LRRC37A2: variants seen among roughly 807,000 people sequenced by gnomAD.
LRRC37A2 encodes leucine rich repeat containing 37 member A2.
In LRRC37A2, 9 loss-of-function variants were observed where a neutral mutation model predicts 68.8. The ratio of observed to expected loss-of-function variants is 0.13; its 90% CI spans 0.08 to 0.23. The LOEUF is 0.23. Ranked by LOEUF, LRRC37A2 falls within the 10% of genes least tolerant of loss-of-function variation. The probability of loss-of-function intolerance (pLI) is 1.00; values close to 1 mark genes in which losing one functional copy is unlikely to be tolerated. For missense variants in LRRC37A2, 168 were observed against 950.4 expected (o/e 0.18, Z 10.82); for synonymous variants, 63 against 367.6 (o/e 0.17, Z 9.48).
the LRRC37A2 span, chr17:46,942,011 T>A: frequency 1.1e-6 from 1 of 948,854 alleles, no homozygotes; most frequent in Non-Finnish European, 1.3e-6. Flanking sequence ...TTCTTACTGT[T>A]TATATCCTAC....
At chr17:46,753,521 G>C in the LRRC37A2 span, among the ~76,000 whole-genome samples, 1 of 151,844 alleles carries the variant, frequency 6.6e-6, no homozygotes, top group Non-Finnish European at 1.5e-5. Context: ...CTTGGTAAAA[G>C]TGCAAATACA....
At chr17:46,896,412 AAG>A in the LRRC37A2 span, among the ~76,000 whole-genome samples, 10 of 82,232 alleles carry the variant, frequency 1.2e-4, no homozygotes, top group South Asian at 4.3e-4. Context: ...GAAAGAAAGA[AAG>A]AAAGAAAGAA....
chr17:46,786,193 G>A, the LRRC37A2 span, among the ~76,000 whole-genome samples: 1 of 152,150 alleles, frequency 6.6e-6, no homozygotes, highest in South Asian at 2.1e-4. Flanking sequence ...TGGGACCTGG[G>A]GAGGAGGAAA....
chr17:46,926,390 G>C, the LRRC37A2 span, among the ~76,000 whole-genome samples: 1 of 152,108 alleles, frequency 6.6e-6, no homozygotes, highest in Non-Finnish European at 1.5e-5. Context: ...GCGGTGAGTA[G>C]TTTCATGAAC....
the LRRC37A2 span, among the ~76,000 whole-genome samples, chr17:47,000,230 T>C: frequency 1.7e-5 from 2 of 116,208 alleles, no homozygotes; most frequent in African/African-American, 3.2e-5. Flanking sequence ...AATTGCTTGT[T>C]TTTTGCTTTT....
At chr17:46,874,951 G>A in the LRRC37A2 span, 5 of 1,239,882 alleles carry the variant, frequency 4.0e-6, no homozygotes, top group Admixed American at 5.1e-5. Context: ...ACCCGGAGCT[G>A]TGTCCTCAAG....
At chr17:46,856,013 G>A in the LRRC37A2 span, among the ~76,000 whole-genome samples, 1 of 152,124 alleles carries the variant, frequency 6.6e-6, no homozygotes, top group Non-Finnish European at 1.5e-5. Context: ...TAAGTTATCC[G>A]AGTGGCTTTG....
the LRRC37A2 span, among the ~76,000 whole-genome samples, chr17:46,900,786 C>T: frequency 6.6e-6 from 1 of 152,134 alleles, no homozygotes; most frequent in African/African-American, 2.4e-5. Flanking sequence ...CATGTCATCC[C>T]AGAAAGGTGG....
chr17:46,497,747 CA>C, the LRRC37A2 span, among the ~76,000 whole-genome samples: 76,029 of 138,616 alleles, frequency 0.55, 17,861 homozygotes, highest in South Asian at 0.7. Context: ...TATCTACATA[CA>C]TATACAATGC....
the LRRC37A2 span, chr17:46,929,848 T>C: frequency 9.1e-6 from 4 of 437,590 alleles, no homozygotes; most frequent in Admixed American, 1.1e-4. Flanking sequence ...CCTCCATCTA[T>C]CTTAATCTAA....
chr17:46,885,142 C>A, the LRRC37A2 span: 1 of 375,420 alleles, frequency 2.7e-6, no homozygotes, highest in South Asian at 1.9e-5. Flanking sequence ...GCATGCACCA[C>A]CACGCCTGAC....
At chr17:46,838,490 G>A in the LRRC37A2 span, among the ~76,000 whole-genome samples, 1 of 151,972 alleles carries the variant, frequency 6.6e-6, no homozygotes. Flanking sequence ...AGCTGGGCAT[G>A]GTGGTATTCG....
chr17:46,959,906 T>G, the LRRC37A2 span, among the ~76,000 whole-genome samples: 1 of 152,154 alleles, frequency 6.6e-6, no homozygotes, highest in African/African-American at 2.4e-5. Flanking sequence ...AGAGCTCCTC[T>G]AAAGGAATTC....
At chr17:46,704,770 A>G in the LRRC37A2 span, 3 of 1,605,152 alleles carry the variant, frequency 1.9e-6, no homozygotes, top group Non-Finnish European at 2.5e-6. Context: ...CCAGTACTAA[A>G]GTGGAAGTGG....
chr17:46,994,800 T>C, the LRRC37A2 span, among the ~76,000 whole-genome samples: 1 of 139,010 alleles, frequency 7.2e-6, no homozygotes. Flanking sequence ...CCTGGGTTAA[T>C]GCTGGGTTAG....
chr17:46,501,255 G>A, the LRRC37A2 span, among the ~76,000 whole-genome samples: 42 of 151,064 alleles, frequency 2.8e-4, 1 homozygote, highest in Admixed American at 1.6e-3. Flanking sequence ...GGCTCACTGC[G>A]ACCTCCGCCT....
At chr17:46,752,350 ACCTC>A in the LRRC37A2 span, among the ~76,000 whole-genome samples, 1 of 151,946 alleles carries the variant, frequency 6.6e-6, no homozygotes. Context: ...GCTGATAAAT[ACCTC>A]CCTATCAAGC....
chr17:46,493,383 G>A, the LRRC37A2 span, among the ~76,000 whole-genome samples: 4 of 121,536 alleles, frequency 3.3e-5, no homozygotes, highest in African/African-American at 1.4e-4. Context: ...GACTGATTTC[G>A]AATCCTGGGC....
chr17:46,721,712 C>T, the LRRC37A2 span: 15 of 1,606,694 alleles, frequency 9.3e-6, no homozygotes, highest in South Asian at 7.7e-5. Flanking sequence ...CTTTATGAGC[C>T]GGCTGCTATC....
Sources: allele counts gnomAD v4.1 joint callset (sites outside exome capture counted in the v4.1 genomes callset), GRCh38; gene constraint gnomAD v4.1.1; transcripts MANE v1.5; gene names NCBI Gene and HGNC (gene_info 2026-07-23, HGNC 2026-07-21).